Variants in LRP12 observed in about 807,000 individuals in gnomAD.
The protein encoded by LRP12 is LDL receptor related protein 12, also known as low-density lipoprotein receptor-related protein 12.
In LRP12, 14 loss-of-function variants were observed where a neutral mutation model predicts 66.0. The observed-to-expected ratio is 0.21, with a 90% CI of 0.14 to 0.33. The LOEUF (loss-of-function observed/expected upper bound fraction) is 0.33. LRP12 is among the 10% of genes least tolerant of loss of function. LRP12 has a pLI of 1.00. For missense variants in LRP12, 889 were observed against 1,053.4 expected (o/e 0.84, Z 2.16); for synonymous variants, 357 against 359.1 (o/e 0.99, Z 0.07).
intron 2 of LRP12, 88 bp from the exon 3 acceptor site, chr8:104,509,162 A>C: frequency 8.8e-7 from 1 of 1,138,940 alleles, no homozygotes; most frequent in Non-Finnish European, 1.2e-6. Context: ...AAAACCAAAA[A>C]ACTTTACACA....
At chr8:104,543,391 G>T (rs543480101) in intron 1 of LRP12, among the ~76,000 whole-genome samples, 2 of 151,918 alleles carry the variant, frequency 1.3e-5, no homozygotes, top group Admixed American at 6.6e-5. Flanking sequence ...TTGATGTTAC[G>T]ACTGTAATTG....
In LRP12 at chr8:104,495,082, T is replaced by A; in HGVS notation, c.1708A>T (p.Asn570Tyr). ...AATTACACATTGCAATATACCTGATTAGGTGAACAAACAGGAAAATCTTCA... is the reference window on the plus strand; with the variant it reads ...AATTACACATTGCAATATACCTGATAAGGTGAACAAACAGGAAAATCTTCA... The part of the protein sequence containing the change: ...PVEDFPVCSP[N>Y]QASVLENLRL... The change falls in exon 6 of 7, where the codon AAT (asparagine) becomes TAT (tyrosine). Residue 570 changes from asparagine (N) to tyrosine (Y), a missense_variant. Asn to Tyr is a moderately radical substitution (Grantham distance 143). This residue lies in a region of LRP12 where 800 missense variants were observed against 964.5 expected (regional missense o/e 0.83). Transcript: ENST00000276654. 3 of 1,613,560 alleles carry A rather than the reference T, an allele frequency of 1.9e-6. No homozygotes were observed. Among genetic ancestry groups the A allele is most frequent in the African/African-American group, 2.7e-5 (2 of 75,052 alleles).
At chr8:104,540,381 A>G (rs1266854122) in intron 1 of LRP12, among the ~76,000 whole-genome samples, 1 of 152,182 alleles carries the variant, frequency 6.6e-6, no homozygotes, top group Non-Finnish European at 1.5e-5. Flanking sequence ...ATAGACTCAT[A>G]TACCTACTTT....
intron 2 of LRP12, among the ~76,000 whole-genome samples, chr8:104,512,694 T>C (rs1811016150): frequency 6.6e-6 from 1 of 152,140 alleles, no homozygotes; most frequent in African/African-American, 2.4e-5. Flanking sequence ...GGTTTTGTTT[T>C]AGGAAAAAAA....
At chr8:104,581,405 T>A (rs980720331) in intron 1 of LRP12, among the ~76,000 whole-genome samples, 3 of 151,382 alleles carry the variant, frequency 2.0e-5, no homozygotes, top group African/African-American at 7.4e-5. Flanking sequence ...GATGAAATAA[T>A]CTGTACAACA....
At chr8:104,520,206 C>T (rs893769502) in intron 2 of LRP12, among the ~76,000 whole-genome samples, 4 of 151,874 alleles carry the variant, frequency 2.6e-5, no homozygotes, top group Non-Finnish European at 5.9e-5. Flanking sequence ...CAATGCATAA[C>T]GTAAGATGAA....
intron 1 of LRP12, among the ~76,000 whole-genome samples, chr8:104,542,994 A>AATATAAATATATATATATATATAT (rs544043214): frequency 2.1e-5 from 3 of 144,116 alleles, no homozygotes; most frequent in African/African-American, 7.8e-5. Flanking sequence ...AACACACACA[A>AATATAAATATATATATATATATAT]ATATATATAT....
intron 1 of LRP12, among the ~76,000 whole-genome samples, chr8:104,561,776 C>T (rs1479625876): frequency 6.6e-6 from 1 of 152,034 alleles, no homozygotes; most frequent in Non-Finnish European, 1.5e-5. Context: ...ACTGGGAGTC[C>T]CCTTTTTATT....
At chr8:104,546,168 G>A (rs1370385414) in intron 1 of LRP12, among the ~76,000 whole-genome samples, 1 of 152,068 alleles carries the variant, frequency 6.6e-6, no homozygotes, top group Non-Finnish European at 1.5e-5. Context: ...GAAACCTTTG[G>A]TATCAACTCT....
At chr8:104,500,647 A>T (rs1294603910) in intron 3 of LRP12, among the ~76,000 whole-genome samples, 2 of 152,168 alleles carry the variant, frequency 1.3e-5, no homozygotes. Flanking sequence ...AGTTTGCAGT[A>T]AGCCGAGACT....
At chr8:104,580,406 T>A (rs1474249100) in intron 1 of LRP12, among the ~76,000 whole-genome samples, 1 of 150,434 alleles carries the variant, frequency 6.6e-6, no homozygotes, top group Non-Finnish European at 1.5e-5. Flanking sequence ...GGTGGGTGCT[T>A]GTAGTCCCAG....
chr8:104,547,636 A>G (rs1334487679), intron 1 of LRP12, among the ~76,000 whole-genome samples: 1 of 125,520 alleles, frequency 8.0e-6, no homozygotes, highest in Non-Finnish European at 1.6e-5. Context: ...TATAATAAAT[A>G]TATATTAATA....
chr8:104,495,843 A>G (rs530090435), intron 5 of LRP12: 5 of 151,798 alleles, frequency 3.3e-5, no homozygotes, highest in African/African-American at 9.7e-5. Flanking sequence ...AATCGCTTGA[A>G]CCTGGGAGAC....
rs1027923512 is a variant in LRP12, at chr8:104,550,230, T to C, written c.80-18267A>G. On this transcript the variant is annotated intron_variant, in intron 1 of 6. Transcript: ENST00000276654. ...AAAAAAGACTCAAAGAAGAGACTTG[T>C]TCAAGGTAACAAAAGTGGCAAGTGG... 3.9e-5 allele frequency among the ~76,000 whole-genome samples: 6 copies of C among 152,266 alleles called. No individual in the cohort carries two copies. In the East Asian group the frequency reaches 1.2e-3, roughly 29 times the overall value.
chr8:104,568,752 G>A (rs1470299036), intron 1 of LRP12, among the ~76,000 whole-genome samples: 2 of 152,110 alleles, frequency 1.3e-5, no homozygotes, highest in Admixed American at 6.5e-5. Flanking sequence ...AATTAAAACA[G>A]CTGTAATGAA....
At chr8:104,507,387 A>C (rs1287178944) in intron 3 of LRP12, 1 of 152,154 alleles carries the variant, frequency 6.6e-6, no homozygotes, top group Non-Finnish European at 1.5e-5. Flanking sequence ...TTTTTAGTGT[A>C]TCTTAACCTC....
At chr8:104,588,692 G>A (rs1588515578) in intron 1 of LRP12, 127 bp downstream of exon 1, 1 of 688,264 alleles carries the variant, frequency 1.5e-6, no homozygotes, top group Non-Finnish European at 2.4e-6. Flanking sequence ...CCCCTCACCG[G>A]TCTTTGTCCC....
Position 104,525,305 on chromosome 8 carries a change from A to G in LRP12, c.136+6602T>C, listed in dbSNP as rs889457726. On this transcript the variant is annotated intron_variant, in intron 2 of 6. Coordinates refer to ENST00000276654, the MANE Select transcript of LRP12 (RefSeq NM_013437.5). The stretch of plus-strand genomic sequence containing the variant: ...TTTATCCAATATTATTTCCCATTAT[A>G]TAACAACTAGATACATACTTTTTGA... Among the ~76,000 whole-genome samples, 9 of 152,168 alleles carry G rather than the reference A, an allele frequency of 5.9e-5. No homozygotes were observed. In the East Asian group the frequency reaches 1.7e-3, roughly 29 times the overall value.
At position 104,490,689 on chromosome 8, in the gene LRP12, G is replaced by T; in HGVS notation, c.2564C>A (p.Ala855Asp). ...GATTCGTACCTAACAAAGTAACAAA[G>T]CCTCATCATCACTCGTTTCGTTTTT... Reference protein sequence around the residue: ...TLKNETSDDEALLLC With the variant: ...TLKNETSDDEDLLLC Residue 855 changes from alanine to aspartate, a missense_variant, in exon 7 of 7, where the codon GCT becomes GAT. Coordinates refer to ENST00000276654, the MANE Select transcript of LRP12 (RefSeq NM_013437.5). 3.1e-6 allele frequency: 5 copies of T among 1,611,992 alleles called. No homozygotes were observed. Among genetic ancestry groups the T allele is most frequent in the Non-Finnish European group, 4.2e-6 (5 of 1,179,030 alleles).
Sources: allele counts gnomAD v4.1 joint callset (sites outside exome capture counted in the v4.1 genomes callset), GRCh38; gene constraint gnomAD v4.1.1; regional missense constraint gnomAD v4.1.1; transcripts MANE v1.5; gene names NCBI Gene and HGNC (gene_info 2026-07-23, HGNC 2026-07-21).